The following CNTN4 variants were observed in gnomAD, a reference collection of about 807,000 sequenced individuals.
CNTN4 encodes the protein contactin-4.
A neutral mutation model predicts 122.5 loss-of-function variants in CNTN4; 77 were observed. That is an observed-to-expected ratio of 0.63 (90% CI 0.52 to 0.76). The LOEUF is 0.76. CNTN4 is among the 30% of genes least tolerant of loss of function. The pLI, the probability that CNTN4 is intolerant of heterozygous loss-of-function variation, is 0.00. For synonymous variants in CNTN4, 512 were observed against 447.0 expected, an observed-to-expected ratio of 1.15 and a Z score of -1.83; for missense variants, 1,256 against 1,259.1, an observed-to-expected ratio of 1.00 and a Z score of 0.04.
intron 4 of CNTN4, among the ~76,000 whole-genome samples, chr3:2,576,296 A>T (rs1462653083): frequency 6.6e-6 from 1 of 152,180 alleles, no homozygotes; most frequent in Non-Finnish European, 1.5e-5. Context: ...TGAATGCTGC[A>T]GCCTGGCCAG....
chr3:2,600,567 C>CT (rs1466978348), intron 4 of CNTN4, among the ~76,000 whole-genome samples: 2 of 152,126 alleles, frequency 1.3e-5, no homozygotes, highest in Non-Finnish European at 2.9e-5. Flanking sequence ...TCCATGGTGT[C>CT]TATGTGCCAC....
chr3:2,246,495 G>T (rs939889612), intron 2 of CNTN4, among the ~76,000 whole-genome samples: 2 of 151,934 alleles, frequency 1.3e-5, no homozygotes, highest in African/African-American at 4.8e-5. Flanking sequence ...TTTCATGCTG[G>T]CCCATAGCTG....
intron 3 of CNTN4, among the ~76,000 whole-genome samples, chr3:2,355,937 A>G (rs2044853306): frequency 6.6e-6 from 1 of 152,224 alleles, no homozygotes; most frequent in Non-Finnish European, 1.5e-5. Flanking sequence ...CCTGGTTAGT[A>G]TATAACAACA....
intron 4 of CNTN4, among the ~76,000 whole-genome samples, chr3:2,732,032 C>G (rs1559441699): frequency 6.6e-6 from 1 of 152,184 alleles, no homozygotes; most frequent in Non-Finnish European, 1.5e-5. Context: ...TTATAACTTT[C>G]TGTTCCTGGA....
In CNTN4 at chr3:2,362,989, T is replaced by C. The variant is rs371198075; in HGVS notation, c.-89+23756T>C. The stretch of plus-strand genomic sequence containing the variant: ...TTTTTTCCTTTTTCTTTATATTTTC[T>C]TATTTTTCATGTATCTGCTGAGACA... On this transcript the variant is annotated intron_variant, in intron 3 of 24. Transcript: ENST00000418658. Among the ~76,000 whole-genome samples the C allele has an allele frequency of 3.9e-5, 6 of 152,342 alleles. No homozygotes were observed. In the East Asian group the frequency reaches 5.8e-4, roughly 15 times the overall value.
intron 3 of CNTN4, among the ~76,000 whole-genome samples, chr3:2,443,260 A>G (rs1179537088): frequency 2.0e-5 from 3 of 152,112 alleles, no homozygotes. Context: ...CTGTCCTTTC[A>G]ACATAATTGA....
intron 2 of CNTN4, among the ~76,000 whole-genome samples, chr3:2,307,088 T>C (rs1038247766): frequency 6.6e-6 from 1 of 152,172 alleles, no homozygotes; most frequent in Non-Finnish European, 1.5e-5. Context: ...AGGCACATTT[T>C]ATTTTATTTT....
At chr3:2,985,973 G>A (rs1326589167) in intron 13 of CNTN4, among the ~76,000 whole-genome samples, 2 of 145,310 alleles carry the variant, frequency 1.4e-5, no homozygotes, top group South Asian at 2.2e-4. Flanking sequence ...GGAGTGTAGT[G>A]GTGCCATCTC....
chr3:2,506,241 C>T (rs190912312), intron 3 of CNTN4, among the ~76,000 whole-genome samples: 381 of 152,190 alleles, frequency 2.5e-3, no homozygotes, highest in African/African-American at 8.8e-3. Context: ...GGAAGTGATG[C>T]CAAAGAATAA....
At chr3:2,807,774 G>T (rs2092505864) in intron 6 of CNTN4, among the ~76,000 whole-genome samples, 1 of 152,110 alleles carries the variant, frequency 6.6e-6, no homozygotes, top group Non-Finnish European at 1.5e-5. Flanking sequence ...ACAGAGTGAA[G>T]AGTCTTCTAT....
chr3:2,586,275 T>C (rs976186749), intron 4 of CNTN4, among the ~76,000 whole-genome samples: 4 of 152,166 alleles, frequency 2.6e-5, no homozygotes, highest in African/African-American at 9.6e-5. Flanking sequence ...TTGTTGTTTG[T>C]TGTTGTTGTT....
intron 3 of CNTN4, among the ~76,000 whole-genome samples, chr3:2,395,309 A>T (rs2046601750): frequency 6.6e-6 from 1 of 152,156 alleles, no homozygotes. Context: ...GGGGAACATA[A>T]TCTATAGTGT....
At chr3:2,611,541 T>G (rs1367673347) in intron 4 of CNTN4, among the ~76,000 whole-genome samples, 3 of 152,038 alleles carry the variant, frequency 2.0e-5, no homozygotes, top group Non-Finnish European at 4.4e-5. Flanking sequence ...TGAATTCACT[T>G]TGTAAGGTCC....
chr3:2,751,712 A>G (rs1349680605), intron 6 of CNTN4, among the ~76,000 whole-genome samples: 1 of 152,054 alleles, frequency 6.6e-6, no homozygotes, highest in East Asian at 1.9e-4. Context: ...TCCCGGTCTA[A>G]ATCTGCTTGA....
At chr3:2,982,088 T>C (rs1694077959) in intron 13 of CNTN4, among the ~76,000 whole-genome samples, 1 of 152,192 alleles carries the variant, frequency 6.6e-6, no homozygotes, top group South Asian at 2.1e-4. Context: ...GGTCAAATTG[T>C]ATACTTAGCC....
intron 6 of CNTN4, among the ~76,000 whole-genome samples, chr3:2,771,215 G>T (rs1043475221): frequency 1.3e-5 from 2 of 152,186 alleles, no homozygotes; most frequent in Admixed American, 6.5e-5. Flanking sequence ...ACAAGTAATT[G>T]TTTCTTTGGT....
intron 20 of CNTN4, 47 bp from the exon 21 acceptor site, chr3:3,042,263 C>G (rs559466074): frequency 4.5e-5 from 57 of 1,275,850 alleles, no homozygotes; most frequent in Admixed American, 6.7e-5. Flanking sequence ...ACAATCCTGT[C>G]CTAATATAGC....
intron 10 of CNTN4, among the ~76,000 whole-genome samples, chr3:2,896,740 G>A (rs1396504921): frequency 1.3e-5 from 2 of 152,124 alleles, no homozygotes; most frequent in African/African-American, 4.8e-5. Flanking sequence ...AAGCATCTAT[G>A]TATATAGGTG....
At chr3:3,030,500 CA>C (rs1381750225) in intron 15 of CNTN4, among the ~76,000 whole-genome samples, 1 of 152,182 alleles carries the variant, frequency 6.6e-6, no homozygotes, top group South Asian at 2.1e-4. Context: ...GAACGCCAAC[CA>C]AGGCCATAGG....
Sources: gnomAD v4.1 joint callset for allele counts (sites outside exome capture counted in the v4.1 genomes callset) on GRCh38, gnomAD v4.1.1 for gene constraint, MANE v1.5 for transcripts, NCBI Gene and HGNC (gene_info 2026-07-23, HGNC 2026-07-21) for gene names.